STOX2: variants seen among roughly 807,000 people sequenced by gnomAD.
STOX2 encodes storkhead-box protein 2.
STOX2 carries 28 observed loss-of-function variants against 60.9 expected under a neutral mutation model. The ratio of observed to expected loss-of-function variants is 0.46; its 90% CI spans 0.34 to 0.63. The LOEUF is 0.63. Among genes scored for constraint, STOX2 ranks in the 30% least tolerant of loss-of-function variants. STOX2 has a pLI of 0.01. For synonymous variants in STOX2, 472 were observed against 463.9 expected (o/e 1.02, Z -0.22); for missense variants, 1,024 against 1,187.7 (o/e 0.86, Z 2.03).
intron 1 of STOX2, among the ~76,000 whole-genome samples, chr4:183,888,873 T>G (rs1741143159): frequency 6.6e-6 from 1 of 152,004 alleles, no homozygotes; most frequent in Non-Finnish European, 1.5e-5. Flanking sequence ...GGGGCTGATT[T>G]GGCTCTGTGC....
intron 1 of STOX2, among the ~76,000 whole-genome samples, chr4:183,914,138 G>A (rs1177497813): frequency 1.3e-5 from 2 of 152,212 alleles, no homozygotes; most frequent in African/African-American, 4.8e-5. Context: ...AGGGAGGAGG[G>A]ATGGGACAAG....
chr4:183,913,511 G>A lies in STOX2; in HGVS notation c.166+6555G>A, dbSNP rs543885630. Among the ~76,000 whole-genome samples the A allele has an allele frequency of 7.9e-5, 12 of 152,214 alleles. No homozygotes were observed. The East Asian group carries it at 2.1e-3, about 27-fold the overall frequency. On this transcript the variant is annotated intron_variant, in intron 1 of 3. Transcript: ENST00000308497. The stretch of plus-strand genomic sequence containing the variant: ...TCCTGGGCCAGGCGTGGTGGTTCGC[G>A]CCTATAATCCCAGCACTTTGGGAGG...
At chr4:183,958,914 GT>G (rs1340117459) in intron 1 of STOX2, among the ~76,000 whole-genome samples, 1 of 152,166 alleles carries the variant, frequency 6.6e-6, no homozygotes, top group African/African-American at 2.4e-5. Flanking sequence ...GATGTGGGCA[GT>G]TCTGGAGAGA....
At chr4:183,945,734 C>T (rs186023707) in intron 1 of STOX2, among the ~76,000 whole-genome samples, 23 of 152,338 alleles carry the variant, frequency 1.5e-4, no homozygotes, top group Admixed American at 1.2e-3. Flanking sequence ...GAGCACACCA[C>T]GAAAGAAGAC....
At chr4:184,000,309 A>G (rs917232204) in intron 1 of STOX2, among the ~76,000 whole-genome samples, 3 of 152,174 alleles carry the variant, frequency 2.0e-5, no homozygotes, top group African/African-American at 7.2e-5. Flanking sequence ...TTGTAGGTTG[A>G]CATCTCAAGA....
chr4:183,997,121 GCACATGCA>G (rs1374316226), intron 1 of STOX2, among the ~76,000 whole-genome samples: 1 of 152,188 alleles, frequency 6.6e-6, no homozygotes, highest in African/African-American at 2.4e-5. Context: ...TGAACCAAAC[GCACATGCA>G]CACATGCAGG....
intron 1 of STOX2, among the ~76,000 whole-genome samples, chr4:183,855,954 C>G (rs554598462): frequency 1.3e-5 from 2 of 152,328 alleles, no homozygotes; most frequent in East Asian, 3.9e-4. Context: ...GGAGAATGCT[C>G]TGGCCACAGC....
chr4:183,974,648 C>T (rs571505311), intron 1 of STOX2, among the ~76,000 whole-genome samples: 10 of 151,988 alleles, frequency 6.6e-5, no homozygotes, highest in African/African-American at 1.9e-4. Flanking sequence ...GGTAAGTTCA[C>T]CATGATGACA....
intron 1 of STOX2, among the ~76,000 whole-genome samples, chr4:183,958,377 A>T (rs28721952): frequency 6.6e-6 from 1 of 152,086 alleles, no homozygotes; most frequent in Non-Finnish European, 1.5e-5. Flanking sequence ...TATATACCAT[A>T]TATATAAAAT....
Position 183,832,048 on chromosome 4 carries a change from G to GGAGT in STOX2, c.364+33996_364+33999dup, listed in dbSNP as rs545663990. On this transcript the variant is annotated intron_variant, in intron 1 of 2. Transcript: ENST00000513034. ...CTTGTTGCCTAGGCTGGAGTGCAAT[G>GGAGT]GAGTGATCTTGGCTCACTGCAACCT... Among the ~76,000 whole-genome samples the GGAGT allele has an allele frequency of 2.3e-3, 343 of 150,090 alleles. 2 individuals are homozygous for GGAGT. The highest frequency in any genetic ancestry group is 8.1e-3 in the African/African-American group (332 of 40,830).
In STOX2 at chr4:184,009,156, AG is replaced by A; in HGVS notation, c.320del. 1.7e-6 allele frequency: 1 copy of A among 581,884 alleles called. No homozygotes were observed. The allele number at this position is 581,884 out of a possible 1,614,324, so 36.0% of individuals were successfully genotyped here. A position where few individuals can be genotyped will look rare whatever the true frequency, so the allele number is the denominator to read the frequency against. ...AAGTGGTTTTTTTTTTTTTTTTTTC[AG>A]GTGTTCCAACGCCAAGCCAAGAAAT... On this transcript the variant is annotated splice_acceptor_variant, in intron 2 of 3. Coordinates refer to ENST00000308497, the MANE Select transcript of STOX2 (RefSeq NM_020225.3). LOFTEE classifies it high-confidence loss of function. This position sits in a 1 kb window ranked among gnomAD's most constrained non-coding sequence, Gnocchi z 4.0.
At chr4:183,971,495 A>G (rs1381791327) in intron 1 of STOX2, among the ~76,000 whole-genome samples, 1 of 152,234 alleles carries the variant, frequency 6.6e-6, no homozygotes, top group Admixed American at 6.5e-5. Flanking sequence ...AAGAGAGGAC[A>G]GCACTCATGT....
At chr4:183,864,305 G>T (rs1379866399) in intron 1 of STOX2, among the ~76,000 whole-genome samples, 6 of 152,068 alleles carry the variant, frequency 3.9e-5, no homozygotes, top group Admixed American at 1.3e-4. Context: ...ATGTTATTCT[G>T]CAAATCCTAC....
At chr4:183,980,857 C>T (rs547621290) in intron 1 of STOX2, among the ~76,000 whole-genome samples, 1 of 151,880 alleles carries the variant, frequency 6.6e-6, no homozygotes, top group East Asian at 1.9e-4. Context: ...ATTTTTTTCC[C>T]AATTCCATCT....
rs1379309549 is a variant in STOX2 at position 183,856,229 on chromosome 4, C to T, written c.364+58174C>T. On this transcript the variant is annotated intron_variant, in intron 1 of 2. Coordinates refer to the STOX2 transcript ENST00000513034. This position sits in a 1 kb window ranked among gnomAD's most constrained non-coding sequence, Gnocchi z 4.0. ...TAGGACCCAAGAGTCCAGAAAGGCTCACGGCCCCTTTCACACATGTCGACA... is the reference window on the plus strand; with the variant it reads ...TAGGACCCAAGAGTCCAGAAAGGCTTACGGCCCCTTTCACACATGTCGACA... Among the ~76,000 whole-genome samples the T allele has an allele frequency of 1.3e-5, 2 of 152,068 alleles. No individual in the cohort carries two copies. The highest frequency in any genetic ancestry group is 2.9e-5 in the Non-Finnish European group (2 of 68,020).
At position 184,018,004 on chromosome 4, in the gene STOX2, T is replaced by G. The variant is rs1467587434; in HGVS notation, c.*720T>G. On this transcript the variant is annotated 3_prime_UTR_variant, in exon 4 of 4. Coordinates refer to ENST00000308497, the MANE Select transcript of STOX2 (RefSeq NM_020225.3). ...GATGCTTGTCTGATTTTTTTAACCTTCCGTGATCACAAACAGGAATATAGG... is the reference window on the plus strand; with the variant it reads ...GATGCTTGTCTGATTTTTTTAACCTGCCGTGATCACAAACAGGAATATAGG... The G allele has an allele frequency of 5.3e-5, 8 of 152,194 alleles. No individual in the cohort carries two copies. Among genetic ancestry groups the G allele is most frequent in the African/African-American group, 1.9e-4 (8 of 41,436 alleles). 9.4% of individuals were successfully genotyped at this position (152,194 alleles called of 1,614,324 possible). A position where few individuals can be genotyped will look rare whatever the true frequency, so the allele number is the denominator to read the frequency against.
intron 1 of STOX2, among the ~76,000 whole-genome samples, chr4:183,971,038 G>T (rs1446440244): frequency 6.6e-6 from 1 of 152,160 alleles, no homozygotes; most frequent in Non-Finnish European, 1.5e-5. Flanking sequence ...TTGGGGTCAG[G>T]TTATTTGTAC....
At chr4:183,923,457 T>A (rs937273252) in intron 1 of STOX2, among the ~76,000 whole-genome samples, 5 of 152,224 alleles carry the variant, frequency 3.3e-5, no homozygotes, top group Non-Finnish European at 7.3e-5. Context: ...CAGAGAAACA[T>A]GATCAGCTGG....
intron 1 of STOX2, among the ~76,000 whole-genome samples, chr4:183,994,310 C>T (rs1000386502): frequency 2.0e-5 from 3 of 152,124 alleles, no homozygotes; most frequent in South Asian, 2.1e-4. Context: ...TTTTAACTTG[C>T]GTGTTAATTT....
Sources: gnomAD v4.1 joint callset for allele counts (sites outside exome capture counted in the v4.1 genomes callset) on GRCh38, gnomAD v4.1.1 for gene constraint, Gnocchi (gnomAD v3.1) non-coding constraint, MANE v1.5 for transcripts, NCBI Gene and HGNC (gene_info 2026-07-23, HGNC 2026-07-21) for gene names.